Variants in EHBP1 observed in about 807,000 individuals in gnomAD.
The protein encoded by EHBP1 is EH domain binding protein 1, also known as EH domain-binding protein 1.
A neutral mutation model predicts 144.0 loss-of-function variants in EHBP1; 55 were observed. The observed-to-expected ratio is 0.38, with a 90% CI of 0.31 to 0.48. EHBP1 has a LOEUF of 0.48. EHBP1 is among the 20% of genes least tolerant of loss of function. The pLI is 0.98. For synonymous variants in EHBP1, 469 were observed against 472.7 expected, an observed-to-expected ratio of 0.99 and a Z score of 0.10; for missense variants, 1,200 against 1,364.2, an observed-to-expected ratio of 0.88 and a Z score of 1.90.
At chr2:62,935,160 TC>T (rs1294739317) in intron 10 of EHBP1, among the ~76,000 whole-genome samples, 4 of 151,702 alleles carry the variant, frequency 2.6e-5, no homozygotes, top group African/African-American at 7.3e-5. Flanking sequence ...AAACCGTGTC[TC>T]TACTAAAAAT....
chr2:62,831,612 C>T (rs947193615), intron 7 of EHBP1, among the ~76,000 whole-genome samples: 2 of 152,074 alleles, frequency 1.3e-5, no homozygotes, highest in African/African-American at 4.8e-5. Context: ...TTGAAGCTTC[C>T]ATGCAGGTAT....
At chr2:62,960,022 A>G (rs757057120) in intron 14 of EHBP1, among the ~76,000 whole-genome samples, 1 of 152,160 alleles carries the variant, frequency 6.6e-6, no homozygotes, top group Non-Finnish European at 1.5e-5. Flanking sequence ...AGAGAAAGTG[A>G]GAATTTACAG....
chr2:62,706,264 A>C (rs1307620257), intron 1 of EHBP1: 1 of 152,586 alleles, frequency 6.6e-6, no homozygotes, highest in Non-Finnish European at 1.5e-5. Flanking sequence ...CACCCTGCAC[A>C]GTCCACTTGC....
intron 9 of EHBP1, among the ~76,000 whole-genome samples, chr2:62,865,208 TG>T (rs1344008699): frequency 6.6e-6 from 1 of 152,216 alleles, no homozygotes; most frequent in Non-Finnish European, 1.5e-5. Context: ...CTAGAATCTC[TG>T]GTTGGAATTC....
At chr2:63,005,011 T>C (rs542603891) in intron 19 of EHBP1, among the ~76,000 whole-genome samples, 88 of 152,214 alleles carry the variant, frequency 5.8e-4, no homozygotes, top group Non-Finnish European at 4.0e-4. Flanking sequence ...TTAAAAACTT[T>C]ACCTACACTA....
At chr2:62,979,459 T>C (rs1211104650) in intron 15 of EHBP1, 124 bp downstream of exon 15, 3 of 1,026,544 alleles carry the variant, frequency 2.9e-6, no homozygotes, top group South Asian at 2.4e-5. Flanking sequence ...CCTATTGATA[T>C]GTTGCAAAAC....
intron 2 of EHBP1, among the ~76,000 whole-genome samples, chr2:62,736,289 C>T (rs1380918586): frequency 2.3e-5 from 3 of 132,616 alleles, no homozygotes; most frequent in Non-Finnish European, 3.1e-5. Context: ...TACAGTGGTG[C>T]GTTCTTGGCT....
chr2:62,728,415 T>A (rs1182804106), intron 2 of EHBP1, among the ~76,000 whole-genome samples: 1 of 152,244 alleles, frequency 6.6e-6, no homozygotes, highest in Non-Finnish European at 1.5e-5. Flanking sequence ...TCTGATTGTC[T>A]TTTTTATTTT....
At chr2:62,897,994 G>C (rs1433437045) in intron 10 of EHBP1, among the ~76,000 whole-genome samples, 1 of 152,098 alleles carries the variant, frequency 6.6e-6, no homozygotes, top group African/African-American at 2.4e-5. Flanking sequence ...TAAATCTAAA[G>C]GCCCTGAGGC....
intron 13 of EHBP1, 137 bp from the exon 14 acceptor site, chr2:62,955,380 C>T: frequency 2.6e-6 from 2 of 774,594 alleles, no homozygotes; most frequent in Non-Finnish European, 4.0e-6. Context: ...TTAATATTCT[C>T]TATAGGTAAT....
chr2:62,771,574 CTT>C, intron 5 of EHBP1, 182 bp downstream of exon 5: 1 of 488,066 alleles, frequency 2.0e-6, no homozygotes, highest in Non-Finnish European at 3.6e-6. Context: ...GTAAGAAATG[CTT>C]TTATTAACAC....
At position 63,015,454 on chromosome 2, in the gene EHBP1, G is replaced by A. The variant is rs954429507; in HGVS notation, c.3103+18688G>A. 1.4e-4 allele frequency among the ~76,000 whole-genome samples: 22 copies of A among 152,200 alleles called. No individual in the cohort carries two copies. In the South Asian group the frequency reaches 1.9e-3, roughly 13 times the overall value. On this transcript the variant is annotated intron_variant, in intron 19 of 22. Coordinates refer to ENST00000431489, the MANE Select transcript of EHBP1 (RefSeq NM_001142616.3). ...ATGGATTATATGGGAATTAGGATTC[G>A]TGTAATAACATGTCTCCATTTTGTA... is the stretch of plus-strand genomic sequence containing the variant.
At chr2:62,721,730 G>A (rs2036240197) in intron 2 of EHBP1, among the ~76,000 whole-genome samples, 1 of 152,070 alleles carries the variant, frequency 6.6e-6, no homozygotes, top group East Asian at 1.9e-4. Context: ...TTTCCTGTAA[G>A]CAAGATTTGT....
Position 62,822,752 on chromosome 2 carries a change from A to G in EHBP1, c.313-3335A>G, listed in dbSNP as rs543846898. ...GTTCAACTTTACAAAATATTTGCCAATCTGAAAGTGTGAAACTGAGGCTTA... is the reference window on the plus strand; with the variant it reads ...GTTCAACTTTACAAAATATTTGCCAGTCTGAAAGTGTGAAACTGAGGCTTA... On this transcript the variant is annotated intron_variant, in intron 5 of 22. Transcript: ENST00000431489. 5.9e-5 allele frequency among the ~76,000 whole-genome samples: 9 copies of G among 152,266 alleles called. No individual in the cohort carries two copies. In the South Asian group the frequency reaches 1.5e-3, roughly 25 times the overall value.
chr2:62,948,507 G>C lies in EHBP1; in HGVS notation c.1661G>C (p.Ser554Thr), dbSNP rs1347151004. Residue 554 changes from serine to threonine, a missense_variant, in exon 13 of 23, where the codon AGT becomes ACT. This residue lies in a region of EHBP1 where 543 missense variants were observed against 513.1 expected (regional missense o/e 1.06). Coordinates refer to ENST00000431489, the MANE Select transcript of EHBP1 (RefSeq NM_001142616.3). ...VDQEKFYAEL[S>T]DLKREPELQQ... Reference sequence around the variant, plus strand: ...CAAGAAAAATTCTATGCAGAGCTTAGTGATCTGAAGCGGGAGCCTGAACTA... The same window carrying C: ...CAAGAAAAATTCTATGCAGAGCTTACTGATCTGAAGCGGGAGCCTGAACTA... The C allele has an allele frequency of 6.2e-7, 1 of 1,614,076 alleles. No homozygotes were observed. The highest frequency in any genetic ancestry group is 8.5e-7 in the Non-Finnish European group (1 of 1,179,946).
intron 5 of EHBP1, among the ~76,000 whole-genome samples, chr2:62,796,337 G>T (rs889055893): frequency 3.3e-5 from 5 of 151,990 alleles, no homozygotes; most frequent in Non-Finnish European, 5.9e-5. Context: ...TGACAAAATT[G>T]ATTGCACCTC....
At chr2:63,040,031 A>G (rs1486916006) in intron 21 of EHBP1, among the ~76,000 whole-genome samples, 1 of 151,962 alleles carries the variant, frequency 6.6e-6, no homozygotes, top group East Asian at 1.9e-4. Context: ...TAAAGTGCAC[A>G]ACTATACTAA....
At chr2:62,965,784 C>T (rs1307259309) in intron 14 of EHBP1, among the ~76,000 whole-genome samples, 1 of 152,130 alleles carries the variant, frequency 6.6e-6, no homozygotes, top group East Asian at 1.9e-4. Flanking sequence ...CTAATCAAGC[C>T]ATCAGTTCTT....
chr2:62,934,229 A>G (rs1558938867), intron 10 of EHBP1, among the ~76,000 whole-genome samples: 1 of 152,158 alleles, frequency 6.6e-6, no homozygotes. Flanking sequence ...TTTTAATTTC[A>G]CTAAAATTTA....
Sources: allele counts gnomAD v4.1 joint callset (sites outside exome capture counted in the v4.1 genomes callset), GRCh38; gene constraint gnomAD v4.1.1; regional missense constraint gnomAD v4.1.1; transcripts MANE v1.5; gene names NCBI Gene and HGNC (gene_info 2026-07-23, HGNC 2026-07-21).